Variants in STXBP6 observed in about 807,000 individuals in gnomAD.
The protein encoded by STXBP6 is syntaxin binding protein 6.
Under a neutral mutation model 26.9 loss-of-function variants are expected in STXBP6, and 21 were observed. That is an observed-to-expected ratio of 0.78 (90% confidence interval 0.55 to 1.12). The LOEUF is 1.12. STXBP6 is among the 50% of genes most tolerant of loss of function. The pLI is 0.00. For missense variants in STXBP6, 232 were observed against 257.9 expected (o/e 0.90, Z 0.69); for synonymous variants, 97 against 92.6 (o/e 1.05, Z -0.27).
At chr14:25,012,194 T>C (rs570678352) in intron 1 of STXBP6, among the ~76,000 whole-genome samples, 4 of 152,358 alleles carry the variant, frequency 2.6e-5, no homozygotes, top group Admixed American at 2.0e-4. Context: ...CAAGTGATTA[T>C]ATGTATGTAG....
intron 1 of STXBP6, among the ~76,000 whole-genome samples, chr14:25,027,571 C>G (rs1389911258): frequency 6.6e-6 from 1 of 152,194 alleles, no homozygotes; most frequent in Non-Finnish European, 1.5e-5. Flanking sequence ...TCAGGCCTCC[C>G]TATTCCCTAA....
At chr14:24,964,464 G>T (rs1284867272) in intron 2 of STXBP6, among the ~76,000 whole-genome samples, 1 of 152,132 alleles carries the variant, frequency 6.6e-6, no homozygotes, top group Non-Finnish European at 1.5e-5. Context: ...GGAAATGTCA[G>T]TCATTCGTAT....
rs562379278 is a variant in STXBP6 at position 24,835,247 on chromosome 14, C to T, written c.452-16053G>A. Among the ~76,000 whole-genome samples the T allele has an allele frequency of 3.2e-4, 48 of 152,258 alleles. No homozygotes were observed. The Middle Eastern group carries it at 0.017, about 54-fold the overall frequency. ...TCACCACTTAGAAGCTGCTCTAGAG[C>T]GGCACTAAACTCACAGATCTTCTTC... On this transcript the variant is annotated intron_variant, in intron 4 of 5. Transcript: ENST00000323944.
chr14:24,953,677 C>T (rs1338506415), intron 2 of STXBP6, among the ~76,000 whole-genome samples: 3 of 152,182 alleles, frequency 2.0e-5, no homozygotes, highest in Non-Finnish European at 4.4e-5. Context: ...TTCTCTCTCT[C>T]TAAATCCCAT....
At chr14:25,036,411 G>A (rs905067399) in intron 1 of STXBP6, among the ~76,000 whole-genome samples, 3 of 152,048 alleles carry the variant, frequency 2.0e-5, no homozygotes, top group African/African-American at 7.2e-5. Context: ...GCAGCCAAAT[G>A]CCCCACTGTC....
intron 2 of STXBP6, among the ~76,000 whole-genome samples, chr14:24,945,759 T>C (rs1189471138): frequency 6.6e-6 from 1 of 152,224 alleles, no homozygotes; most frequent in Admixed American, 6.5e-5. Context: ...AACTATGTGC[T>C]AGGCATTGTT....
chr14:24,972,416 T>G (rs563766328), intron 2 of STXBP6, among the ~76,000 whole-genome samples: 33 of 152,326 alleles, frequency 2.2e-4, no homozygotes, highest in Non-Finnish European at 4.6e-4. Flanking sequence ...TGATCAAAAT[T>G]AGGCAGACAA....
chr14:24,817,904 G>A, intron 5 of STXBP6: 1 of 387,758 alleles, frequency 2.6e-6, no homozygotes, highest in Non-Finnish European at 5.1e-6. Context: ...AGACAGCGCT[G>A]TGCAAAGGGG....
intron 2 of STXBP6, among the ~76,000 whole-genome samples, chr14:24,934,385 G>C (rs1334082516): frequency 2.0e-5 from 3 of 152,248 alleles, no homozygotes; most frequent in African/African-American, 7.2e-5. Context: ...AAAACAACTA[G>C]AAAGTTATGG....
intron 2 of STXBP6, among the ~76,000 whole-genome samples, chr14:24,932,035 A>G (rs1443544763): frequency 6.6e-6 from 1 of 152,226 alleles, no homozygotes; most frequent in African/African-American, 2.4e-5. Context: ...GGCCTTCAAA[A>G]AAAAAGCAGT....
intron 1 of STXBP6, among the ~76,000 whole-genome samples, chr14:24,991,976 G>A (rs1032650553): frequency 7.9e-5 from 12 of 152,112 alleles, no homozygotes; most frequent in African/African-American, 2.9e-4. Context: ...GCTTCTCCCT[G>A]GGCTGGGCTA....
Position 25,049,536 on chromosome 14 carries a change from C to T in STXBP6, c.-33+342G>A, listed in dbSNP as rs746182949. On this transcript the variant is annotated intron_variant, in intron 1 of 5. Transcript: ENST00000323944. This position sits in a 1 kb window ranked among gnomAD's most constrained non-coding sequence, Gnocchi z 5.6. ...CTCGGGGCCCATGCCATCGCGGGGA[C>T]GGTGCGGAAAAAAAGGCTCCATCCT... 1.0e-6 allele frequency: 1 copy of T among 985,334 alleles called. No homozygotes were observed. The highest frequency in any genetic ancestry group is 1.2e-6 in the Non-Finnish European group (1 of 829,984). The allele number at this position is 985,334 out of a possible 1,614,324, so 61.0% of individuals were successfully genotyped here.
chr14:24,885,715 AG>A (rs2070557892), intron 2 of STXBP6, among the ~76,000 whole-genome samples: 2 of 152,372 alleles, frequency 1.3e-5, no homozygotes, highest in South Asian at 4.1e-4. Context: ...TTCAGTATTT[AG>A]TCCAAACTGA....
chr14:24,900,072 TAAGA>T (rs778736468), intron 2 of STXBP6, among the ~76,000 whole-genome samples: 2 of 152,218 alleles, frequency 1.3e-5, no homozygotes, highest in Non-Finnish European at 2.9e-5. Flanking sequence ...TTACAAACAC[TAAGA>T]AAGATTAAAA....
At position 25,039,161 on chromosome 14, in the gene STXBP6, T is replaced by A. The variant is rs745682426; in HGVS notation, c.-33+10717A>T. 8.4e-4 allele frequency among the ~76,000 whole-genome samples: 128 copies of A among 152,198 alleles called. 1 individual carries two copies. Among genetic ancestry groups the A allele is most frequent in the Non-Finnish European group, 3.7e-4 (25 of 67,974 alleles). ...CAATTATTTTTCAATTAAAAATAAATACAAAATTTTAAAAAAGAAGTCCAA... is the reference window on the plus strand; with the variant it reads ...CAATTATTTTTCAATTAAAAATAAAAACAAAATTTTAAAAAAGAAGTCCAA... On this transcript the variant is annotated intron_variant, in intron 1 of 5. Coordinates refer to ENST00000323944, the MANE Select transcript of STXBP6 (RefSeq NM_001394410.1).
chr14:24,974,581 G>A, intron 2 of STXBP6, 84 bp downstream of exon 2: 1 of 1,268,668 alleles, frequency 7.9e-7, no homozygotes. Context: ...CAAAACCTGT[G>A]AATGTAAACC....
intron 2 of STXBP6, among the ~76,000 whole-genome samples, chr14:24,896,972 T>C (rs2071013606): frequency 6.6e-6 from 1 of 152,124 alleles, no homozygotes; most frequent in Non-Finnish European, 1.5e-5. Context: ...GACATAAGAC[T>C]AAAGGCCTTA....
At chr14:24,956,303 G>C (rs996522175) in intron 2 of STXBP6, among the ~76,000 whole-genome samples, 1 of 152,160 alleles carries the variant, frequency 6.6e-6, no homozygotes, top group African/African-American at 2.4e-5. Context: ...GGGCTTTGCG[G>C]CTGCCTATGG....
intron 1 of STXBP6, among the ~76,000 whole-genome samples, chr14:24,991,163 G>C (rs868572871): frequency 7.5e-6 from 1 of 133,202 alleles, no homozygotes; most frequent in Non-Finnish European, 1.5e-5. Flanking sequence ...AGGAGGAGAA[G>C]AGCAGAGAGA....
Sources: allele counts gnomAD v4.1 joint callset (sites outside exome capture counted in the v4.1 genomes callset), GRCh38; gene constraint gnomAD v4.1.1; non-coding constraint Gnocchi (gnomAD v3.1); transcripts MANE v1.5; gene names NCBI Gene and HGNC (gene_info 2026-07-23, HGNC 2026-07-21).